DNAH7: variants seen among roughly 807,000 people sequenced by gnomAD.
DNAH7 encodes dynein axonemal heavy chain 7.
A neutral mutation model predicts 444.6 loss-of-function variants in DNAH7; 397 were observed. That is an observed-to-expected ratio of 0.89 (90% confidence interval 0.82 to 0.97). The LOEUF is 0.97. Ranked by LOEUF, DNAH7 falls within the 50% of genes least tolerant of loss-of-function variation. The pLI is 0.00. For synonymous variants in DNAH7, 1,636 were observed against 1,624.4 expected, an observed-to-expected ratio of 1.01 and a Z score of -0.17; for missense variants, 4,902 against 4,800.8, an observed-to-expected ratio of 1.02 and a Z score of -0.62.
chr2:196,027,410 TTGTG>T (rs920417806), intron 6 of DNAH7, among the ~76,000 whole-genome samples: 26 of 152,080 alleles, frequency 1.7e-4, no homozygotes, highest in Admixed American at 1.2e-3. Context: ...ATAGCTGCTA[TTGTG>T]TGTGTTCATA....
chr2:195,796,272 T>C (rs948520248), intron 56 of DNAH7, among the ~76,000 whole-genome samples: 7 of 152,228 alleles, frequency 4.6e-5, no homozygotes, highest in Middle Eastern at 3.2e-3. Flanking sequence ...AAAAAGTAAG[T>C]TGATGTATAT....
chr2:195,928,512 G>A (rs138721918), intron 21 of DNAH7, among the ~76,000 whole-genome samples: 237 of 152,222 alleles, frequency 1.6e-3, no homozygotes, highest in African/African-American at 5.4e-3. Context: ...TACAAAAACA[G>A]TAATGCTATT....
At chr2:195,810,242 T>C (rs1040316171) in intron 51 of DNAH7, among the ~76,000 whole-genome samples, 3 of 152,218 alleles carry the variant, frequency 2.0e-5, no homozygotes, top group African/African-American at 7.2e-5. Flanking sequence ...TTATATTGTA[T>C]ATTAAATGAA....
intron 9 of DNAH7, among the ~76,000 whole-genome samples, chr2:196,015,500 C>T (rs1694964641): frequency 6.6e-6 from 1 of 152,070 alleles, no homozygotes. Context: ...ACTGTAATTT[C>T]TACATTCTCT....
At chr2:195,886,076 A>C in intron 34 of DNAH7, 65 bp downstream of exon 34, 2 of 1,492,512 alleles carry the variant, frequency 1.3e-6, no homozygotes, top group Non-Finnish European at 1.8e-6. Context: ...CAAATTAGGA[A>C]GCTTTGGGGA....
chr2:195,856,586 T>C (rs774017073), intron 44 of DNAH7, among the ~76,000 whole-genome samples: 2 of 152,244 alleles, frequency 1.3e-5, no homozygotes, highest in Admixed American at 6.5e-5. Flanking sequence ...AAATTGGATA[T>C]GAGTTTGAAA....
chr2:195,939,035 C>T (rs936375757), intron 19 of DNAH7, among the ~76,000 whole-genome samples: 1 of 152,096 alleles, frequency 6.6e-6, no homozygotes, highest in African/African-American at 2.4e-5. Flanking sequence ...AATCTGAGTC[C>T]CTTTTTTATT....
At chr2:195,995,067 C>G in intron 12 of DNAH7, 1 of 258,026 alleles carries the variant, frequency 3.9e-6, no homozygotes, top group South Asian at 4.6e-5. Context: ...GCAGCTGGGA[C>G]TACAGGCACA....
chr2:195,856,717 G>A (rs1699734707), intron 44 of DNAH7, among the ~76,000 whole-genome samples: 1 of 152,208 alleles, frequency 6.6e-6, no homozygotes, highest in African/African-American at 2.4e-5. Context: ...CATTATGCCA[G>A]TGGTTTTTAA....
chr2:195,768,503 G>A (rs1479728976), intron 61 of DNAH7, among the ~76,000 whole-genome samples: 4 of 151,744 alleles, frequency 2.6e-5, no homozygotes, highest in Admixed American at 2.0e-4. Flanking sequence ...ACAATGCAGT[G>A]CTGCCCATTC....
intron 58 of DNAH7, among the ~76,000 whole-genome samples, chr2:195,779,850 C>G (rs1038291437): frequency 6.6e-6 from 1 of 152,198 alleles, no homozygotes. Flanking sequence ...AGGCAATCCA[C>G]TGCCTCAGCC....
intron 19 of DNAH7, among the ~76,000 whole-genome samples, chr2:195,945,313 C>T (rs531210387): frequency 6.6e-6 from 1 of 152,246 alleles, no homozygotes; most frequent in East Asian, 1.9e-4. Flanking sequence ...TAAAGGATAA[C>T]ACCATTGGAA....
Position 195,872,418 on chromosome 2 carries a change from GC to G in DNAH7, c.6464del (p.Gly2155AlafsTer3), listed in dbSNP as rs773637856. The G allele has an allele frequency of 1.4e-5, 23 of 1,610,820 alleles. No homozygotes were observed. The highest frequency in any genetic ancestry group is 1.8e-5 in the Non-Finnish European group (21 of 1,178,298). ...FLDLTTQIVN[G>X]TMTLYKEAMK... is the part of the protein sequence containing the mutation. ...TTGCTTCTTTATACAGAGTCATTGT[GC>G]CATTTACGATTTGTGTGGTCAAATC... is the stretch of plus-strand genomic sequence containing the variant. On this transcript the variant is annotated frameshift_variant, in exon 40 of 65. Coordinates refer to ENST00000312428, the MANE Select transcript of DNAH7 (RefSeq NM_018897.3). LOFTEE classifies it high-confidence loss of function.
chr2:195,886,146 G>A lies in DNAH7; in HGVS notation c.5533C>T (p.Leu1845Phe), dbSNP rs1303891112. The change falls in exon 34 of 65, where the codon CTT becomes TTT. Residue 1845 changes from leucine to phenylalanine, a missense_variant. By Grantham distance (22) the Leu-to-Phe change is conservative. Transcript: ENST00000312428. ...ERNDRETYSL[L>F]EGIFLFSLIW... ...CAGAAGGCAACGGACCTTACCTCAAGCAAAGAGTAAGTTTCTCGATCATTT... is the reference window on the plus strand; with the variant it reads ...CAGAAGGCAACGGACCTTACCTCAAACAAAGAGTAAGTTTCTCGATCATTT... The A allele has an allele frequency of 6.2e-7, 1 of 1,612,702 alleles. No homozygotes were observed. Among genetic ancestry groups the A allele is most frequent in the Non-Finnish European group, 8.5e-7 (1 of 1,179,428 alleles).
chr2:195,873,311 A>T (rs1700829477), intron 39 of DNAH7, among the ~76,000 whole-genome samples: 1 of 152,246 alleles, frequency 6.6e-6, no homozygotes, highest in Non-Finnish European at 1.5e-5. Flanking sequence ...ACATCTTTCC[A>T]GCAGTAATTG....
rs531286309 is a variant in DNAH7 at position 195,798,293 on chromosome 2, A to G, written c.10353+1003T>C. ...TGGAGTTGTAGAACATGTATGTAAC[A>G]AGGTCTAGCAAAGTCAACAGTATAC... is the stretch of plus-strand genomic sequence containing the variant. On this transcript the variant is annotated intron_variant, in intron 55 of 64. Coordinates refer to ENST00000312428, the MANE Select transcript of DNAH7 (RefSeq NM_018897.3). 1.4e-4 allele frequency among the ~76,000 whole-genome samples: 21 copies of G among 152,304 alleles called. No individual in the cohort carries two copies. The South Asian group carries it at 4.3e-3, about 32-fold the overall frequency.
intron 25 of DNAH7, 97 bp downstream of exon 25, chr2:195,909,930 A>T: frequency 8.1e-7 from 1 of 1,237,530 alleles, no homozygotes; most frequent in Non-Finnish European, 1.1e-6. Context: ...TACTTAAGCT[A>T]CAGTAAATCT....
chr2:195,849,591 T>G (rs967842664), intron 46 of DNAH7, among the ~76,000 whole-genome samples: 1 of 152,102 alleles, frequency 6.6e-6, no homozygotes, highest in Non-Finnish European at 1.5e-5. Context: ...GCATGTTTTA[T>G]TTTTAATTTT....
intron 52 of DNAH7, 152 bp from the exon 53 acceptor site, chr2:195,809,028 T>C: frequency 7.8e-6 from 5 of 643,968 alleles, no homozygotes; most frequent in African/African-American, 5.5e-5. Flanking sequence ...TCAATATTTA[T>C]TCATAGGAAA....
Sources: gnomAD v4.1 joint callset for allele counts (sites outside exome capture counted in the v4.1 genomes callset) on GRCh38, gnomAD v4.1.1 for gene constraint, MANE v1.5 for transcripts, NCBI Gene and HGNC (gene_info 2026-07-23, HGNC 2026-07-21) for gene names.